Variants in AUTS2 observed in about 807,000 individuals in gnomAD.
AUTS2 encodes autism susceptibility gene 2 protein.
A neutral mutation model predicts 112.4 loss-of-function variants in AUTS2; 17 were observed. The ratio of observed to expected loss-of-function variants is 0.15; its 90% CI spans 0.10 to 0.23. The LOEUF is 0.23. Among genes scored for constraint, AUTS2 ranks in the 10% least tolerant of loss-of-function variants. The pLI is 1.00. For missense variants in AUTS2, 1,510 were observed against 1,701.6 expected, an observed-to-expected ratio of 0.89 and a Z score of 1.98; for synonymous variants, 751 against 702.7, an observed-to-expected ratio of 1.07 and a Z score of -1.09.
At chr7:69,760,510 G>A (rs1219523525) in intron 1 of AUTS2, among the ~76,000 whole-genome samples, 1 of 152,004 alleles carries the variant, frequency 6.6e-6, no homozygotes, top group Non-Finnish European at 1.5e-5. Context: ...TACATACAAA[G>A]AGCTGCTGCC....
At chr7:70,426,369 G>A (rs944139484) in intron 4 of AUTS2, among the ~76,000 whole-genome samples, 1 of 152,168 alleles carries the variant, frequency 6.6e-6, no homozygotes, top group South Asian at 2.1e-4. Context: ...AAACGAGGAC[G>A]GTTGCTCCAC....
At chr7:69,995,416 C>T (rs180846665) in intron 2 of AUTS2, among the ~76,000 whole-genome samples, 1 of 152,226 alleles carries the variant, frequency 6.6e-6, no homozygotes, top group East Asian at 1.9e-4. Context: ...AAGATTTGGC[C>T]TTCGTGAATG....
chr7:70,427,055 T>G (rs1441669167), intron 4 of AUTS2, among the ~76,000 whole-genome samples: 2 of 152,102 alleles, frequency 1.3e-5, no homozygotes, highest in African/African-American at 2.4e-5. Flanking sequence ...ATCGCCCCAT[T>G]ACAGAGGGGT....
intron 4 of AUTS2, among the ~76,000 whole-genome samples, chr7:70,245,144 G>GTATATATATATATATATATATATA (rs71077638): frequency 3.7e-5 from 4 of 108,996 alleles, no homozygotes; most frequent in African/African-American, 1.7e-4. Context: ...GTGTGTGTGT[G>GTATATATATATATATATATATATA]TATATATATA....
intron 2 of AUTS2, among the ~76,000 whole-genome samples, chr7:69,982,995 C>T (rs1318137787): frequency 6.6e-6 from 1 of 152,160 alleles, no homozygotes; most frequent in African/African-American, 2.4e-5. Context: ...CCCAGAATCA[C>T]ATTTAGTGTT....
chr7:69,882,598 T>C (rs1195858220), intron 1 of AUTS2, among the ~76,000 whole-genome samples: 4 of 152,170 alleles, frequency 2.6e-5, no homozygotes, highest in Admixed American at 2.6e-4. Context: ...TTAATAGTAA[T>C]AAAAATAATT....
At chr7:70,231,039 C>T (rs988766068) in intron 4 of AUTS2, among the ~76,000 whole-genome samples, 2 of 152,192 alleles carry the variant, frequency 1.3e-5, no homozygotes, top group African/African-American at 2.4e-5. Context: ...CAATGAGGTT[C>T]GGTGAGTTTT....
intron 2 of AUTS2, among the ~76,000 whole-genome samples, chr7:69,982,470 G>GAAA (rs66884131): frequency 6.6e-6 from 1 of 151,254 alleles, no homozygotes; most frequent in African/African-American, 2.4e-5. Flanking sequence ...CCTGAGGGGG[G>GAAA]AAAAAAAACG....
At chr7:70,239,411 G>A (rs375078717) in intron 4 of AUTS2, among the ~76,000 whole-genome samples, 12 of 152,040 alleles carry the variant, frequency 7.9e-5, no homozygotes, top group African/African-American at 2.9e-4. Flanking sequence ...ATGAATTCAT[G>A]CAGAGCCAGC....
intron 4 of AUTS2, among the ~76,000 whole-genome samples, chr7:70,165,473 T>G (rs1242946395): frequency 6.6e-6 from 1 of 152,188 alleles, no homozygotes; most frequent in African/African-American, 2.4e-5. Context: ...TGTCAGAAAT[T>G]ATGTTAGTGA....
intron 4 of AUTS2, among the ~76,000 whole-genome samples, chr7:70,232,915 G>A (rs956262030): frequency 1.3e-5 from 2 of 152,084 alleles, no homozygotes; most frequent in South Asian, 2.1e-4. Context: ...CTCCAGAATC[G>A]TATGCTTTTT....
At chr7:69,818,883 A>G (rs1030515504) in intron 1 of AUTS2, among the ~76,000 whole-genome samples, 3 of 152,210 alleles carry the variant, frequency 2.0e-5, no homozygotes, top group Non-Finnish European at 4.4e-5. Context: ...TTATCGCCTC[A>G]TGGGCTCTCT....
chr7:70,477,216 T>G (rs996453925), intron 5 of AUTS2, among the ~76,000 whole-genome samples: 1 of 152,230 alleles, frequency 6.6e-6, no homozygotes, highest in Admixed American at 6.5e-5. Context: ...CCTTTTCTTT[T>G]CCCAGCCATA....
intron 1 of AUTS2, among the ~76,000 whole-genome samples, chr7:69,733,690 C>T (rs538368322): frequency 1.3e-5 from 2 of 152,240 alleles, no homozygotes; most frequent in South Asian, 2.1e-4. Context: ...GGATGTGCCT[C>T]GCATGTAAGC....
At chr7:69,968,836 C>G (rs550805871) in intron 2 of AUTS2, among the ~76,000 whole-genome samples, 3 of 151,834 alleles carry the variant, frequency 2.0e-5, no homozygotes, top group Non-Finnish European at 4.4e-5. Flanking sequence ...TTTTCAACTC[C>G]TTTTTACTGC....
At chr7:69,666,035 C>A (rs1376092951) in intron 1 of AUTS2, among the ~76,000 whole-genome samples, 1 of 152,084 alleles carries the variant, frequency 6.6e-6, no homozygotes, top group Non-Finnish European at 1.5e-5. Context: ...ATTTTATAGT[C>A]AAATAATACA....
intron 1 of AUTS2, among the ~76,000 whole-genome samples, chr7:69,698,155 C>T (rs1797637763): frequency 6.6e-6 from 1 of 152,120 alleles, no homozygotes; most frequent in African/African-American, 2.4e-5. Flanking sequence ...TATGGAGTGT[C>T]TTGGCCATTA....
chr7:70,428,200 A>T (rs1795509743), intron 4 of AUTS2, among the ~76,000 whole-genome samples: 1 of 152,190 alleles, frequency 6.6e-6, no homozygotes, highest in African/African-American at 2.4e-5. Flanking sequence ...GGGCCCCAGT[A>T]GCTTTAAATT....
chr7:70,724,213 A>C (rs1218166025), intron 6 of AUTS2, among the ~76,000 whole-genome samples: 2 of 151,974 alleles, frequency 1.3e-5, no homozygotes, highest in Non-Finnish European at 2.9e-5. Context: ...TTATAAATGA[A>C]GATGTGGCTG....
Sources: allele counts gnomAD v4.1 joint callset (sites outside exome capture counted in the v4.1 genomes callset), GRCh38; gene constraint gnomAD v4.1.1; transcripts MANE v1.5; gene names NCBI Gene and HGNC (gene_info 2026-07-23, HGNC 2026-07-21).